Variants in ZEB2 observed in about 807,000 individuals in gnomAD.
ZEB2 encodes zinc finger E-box-binding homeobox 2.
In ZEB2, 6 loss-of-function variants were observed where a neutral mutation model predicts 99.9. The ratio of observed to expected loss-of-function variants is 0.06; its 90% CI spans 0.03 to 0.12. ZEB2 has a LOEUF of 0.12. Ranked by LOEUF, ZEB2 falls within the 10% of genes least tolerant of loss-of-function variation. The probability of loss-of-function intolerance (pLI) is 1.00; values close to 1 mark genes in which losing one functional copy is unlikely to be tolerated. For missense variants in ZEB2, 969 were observed against 1,502.8 expected (o/e 0.64, Z 5.87); for synonymous variants, 517 against 542.5 (o/e 0.95, Z 0.65).
At chr2:144,483,148 A>G (rs186852448) in intron 2 of ZEB2, among the ~76,000 whole-genome samples, 3,283 of 144,108 alleles carry the variant, frequency 0.023, 51 homozygotes, top group Admixed American at 0.036. Flanking sequence ...ACACACACAC[A>G]CACACACACA....
At chr2:144,442,188 C>A (rs1048559703) in intron 2 of ZEB2, among the ~76,000 whole-genome samples, 7 of 152,120 alleles carry the variant, frequency 4.6e-5, no homozygotes, top group Non-Finnish European at 5.9e-5. Flanking sequence ...TTTACCAAGA[C>A]CTGCCTTTCT....
At chr2:144,504,959 C>T (rs1406973998) in intron 2 of ZEB2, among the ~76,000 whole-genome samples, 2 of 152,068 alleles carry the variant, frequency 1.3e-5, no homozygotes, top group Non-Finnish European at 2.9e-5. Flanking sequence ...ACATAAAGTG[C>T]AATAATCGTC....
At chr2:144,400,374 G>A in intron 7 of ZEB2, 104 bp from the exon 8 acceptor site, 1 of 1,247,526 alleles carries the variant, frequency 8.0e-7, no homozygotes, top group Non-Finnish European at 1.1e-6. Flanking sequence ...GGAACACAAT[G>A]GGGTACCTCT....
chr2:144,408,729 G>A (rs891085173), intron 4 of ZEB2, among the ~76,000 whole-genome samples: 8 of 152,152 alleles, frequency 5.3e-5, no homozygotes, highest in Admixed American at 5.2e-4. Flanking sequence ...TGATTGCCAA[G>A]GCTTATGGTA....
chr2:144,415,021 G>A (rs1029641097), intron 4 of ZEB2, among the ~76,000 whole-genome samples: 2 of 144,404 alleles, frequency 1.4e-5, no homozygotes, highest in African/African-American at 5.2e-5. Flanking sequence ...TTTTTTAAAT[G>A]TCCCCATTCC....
intron 4 of ZEB2, among the ~76,000 whole-genome samples, chr2:144,408,886 T>G (rs958898316): frequency 1.3e-5 from 2 of 152,092 alleles, no homozygotes; most frequent in African/African-American, 4.8e-5. Context: ...TTAAATTCAA[T>G]AAATCCCTTC....
chr2:144,499,420 C>T (rs1179773884), intron 2 of ZEB2, among the ~76,000 whole-genome samples: 1 of 152,170 alleles, frequency 6.6e-6, no homozygotes, highest in Non-Finnish European at 1.5e-5. Flanking sequence ...AGAATCCACT[C>T]ATTTGCCAAT....
chr2:144,398,387 G>C lies in ZEB2; in HGVS notation c.2800C>G (p.His934Asp). 1 of 1,614,086 alleles carries C rather than the reference G, an allele frequency of 6.2e-7. No individual in the cohort carries two copies. The highest frequency in any genetic ancestry group is 8.5e-7 in the Non-Finnish European group (1 of 1,179,986). Reference protein sequence around the residue: ...PGLDQMSFLPHMAYTYPTGAA... With the variant: ...PGLDQMSFLPDMAYTYPTGAA... Reference sequence around the variant, plus strand: ...CCAGTTGGGTAGGTGTAGGCCATATGTGGTAGGAAGCTCATCTGATCCAGT... The same window carrying C: ...CCAGTTGGGTAGGTGTAGGCCATATCTGGTAGGAAGCTCATCTGATCCAGT... The change falls in exon 8 of 10, where the codon CAT becomes GAT. Residue 934 changes from histidine to aspartate, a missense_variant. This residue lies in a region of ZEB2 where 346 missense variants were observed against 460.0 expected (regional missense o/e 0.75). Transcript: ENST00000627532.
intron 2 of ZEB2, among the ~76,000 whole-genome samples, chr2:144,457,192 T>C (rs898556129): frequency 6.6e-6 from 1 of 152,190 alleles, no homozygotes; most frequent in Non-Finnish European, 1.5e-5. Flanking sequence ...TATGCATTAA[T>C]CCACTGACAG....
chr2:144,445,483 C>T, intron 2 of ZEB2, among the ~76,000 whole-genome samples: 1 of 152,028 alleles, frequency 6.6e-6, no homozygotes, highest in East Asian at 1.9e-4. Flanking sequence ...TTTGAAAACC[C>T]TGCCTAGCTA....
At chr2:144,440,239 C>T (rs1703887375) in intron 2 of ZEB2, among the ~76,000 whole-genome samples, 1 of 152,072 alleles carries the variant, frequency 6.6e-6, no homozygotes, top group African/African-American at 2.4e-5. Context: ...ATGTCAAACT[C>T]ATGAATACTT....
At chr2:144,482,865 C>T (rs1704534384) in intron 2 of ZEB2, among the ~76,000 whole-genome samples, 1 of 151,706 alleles carries the variant, frequency 6.6e-6, no homozygotes, top group Non-Finnish European at 1.5e-5. Context: ...CTTTTTATTG[C>T]CCCTCCTCCA....
chr2:144,398,126 A>G (rs1477498756), intron 8 of ZEB2, among the ~76,000 whole-genome samples, 175 bp downstream of exon 8: 1 of 152,214 alleles, frequency 6.6e-6, no homozygotes, highest in Non-Finnish European at 1.5e-5. Flanking sequence ...CTTAGAGTAC[A>G]GTGATCCACT....
At chr2:144,395,733 AC>A (rs1005071295) in intron 9 of ZEB2, among the ~76,000 whole-genome samples, 5 of 152,134 alleles carry the variant, frequency 3.3e-5, no homozygotes, top group African/African-American at 1.2e-4. Context: ...TCAAAAATTA[AC>A]CCACTATCTC....
chr2:144,506,728 A>G (rs927326814), intron 2 of ZEB2, among the ~76,000 whole-genome samples: 3 of 152,244 alleles, frequency 2.0e-5, no homozygotes, highest in Non-Finnish European at 4.4e-5. Context: ...CTCAGATTTT[A>G]TATAGCACAA....
At position 144,398,808 on chromosome 2, in the gene ZEB2, A is replaced by G. The variant is rs767139300; in HGVS notation, c.2379T>C (p.Ser793=). 7 of 1,613,968 alleles carry G rather than the reference A, an allele frequency of 4.3e-6. No individual in the cohort carries two copies. The African/African-American group carries it at 9.3e-5, about 22-fold the overall frequency. ...TGTATGAACTACTGTGGGAGTTTTT[A>G]GAAGATGTGGAGGAAAGATTTAAGG... ...PSPLNLSSTS[S]KNSHSSSYTP... is the part of the protein sequence containing the mutation. The change falls in exon 8 of 10, where the codon TCT becomes TCC. Residue 793 remains serine (S), a synonymous_variant. Coordinates refer to ENST00000627532, the MANE Select transcript of ZEB2 (RefSeq NM_014795.4).
chr2:144,494,557 A>G (rs1704733621), intron 2 of ZEB2: 2 of 152,234 alleles, frequency 1.3e-5, no homozygotes, highest in African/African-American at 4.8e-5. Flanking sequence ...CCTTTAAGAA[A>G]GGTAGACAAC....
At chr2:144,408,612 G>A (rs1402549271) in intron 4 of ZEB2, among the ~76,000 whole-genome samples, 4 of 152,174 alleles carry the variant, frequency 2.6e-5, no homozygotes, top group African/African-American at 9.7e-5. Flanking sequence ...TCACCAGCAT[G>A]AATCTAATGT....
chr2:144,514,083 A>G (rs1316218483), intron 2 of ZEB2: 3 of 431,936 alleles, frequency 6.9e-6, no homozygotes, highest in African/African-American at 4.0e-5. Flanking sequence ...CTATGGGTTA[A>G]CTTGGCCCTG....
Sources: allele counts gnomAD v4.1 joint callset (sites outside exome capture counted in the v4.1 genomes callset), GRCh38; gene constraint gnomAD v4.1.1; regional missense constraint gnomAD v4.1.1; transcripts MANE v1.5; gene names NCBI Gene and HGNC (gene_info 2026-07-23, HGNC 2026-07-21).